ATG7: variants seen among roughly 807,000 people sequenced by gnomAD.
The protein encoded by ATG7 is ubiquitin-like modifier-activating enzyme ATG7.
ATG7 carries 70 observed loss-of-function variants against 82.4 expected under a neutral mutation model. That is an observed-to-expected ratio of 0.85 (90% CI 0.70 to 1.04). The LOEUF (loss-of-function observed/expected upper bound fraction) is 1.04, where lower values mean the gene tolerates loss of function less well. ATG7 is among the 50% of genes least tolerant of loss of function. The pLI is 0.00. For missense variants in ATG7, 792 were observed against 864.3 expected (o/e 0.92, Z 1.05); for synonymous variants, 287 against 313.0 (o/e 0.92, Z 0.88).
At chr3:11,570,081 C>G in the ATG7 span, among the ~76,000 whole-genome samples, 1 of 152,116 alleles carries the variant, frequency 6.6e-6, no homozygotes, top group Non-Finnish European at 1.5e-5. Flanking sequence ...CTGCTGCCCC[C>G]TGGGGTTTCT....
At chr3:11,409,018 C>A (rs1458179695) in intron 19 of ATG7, among the ~76,000 whole-genome samples, 1 of 152,098 alleles carries the variant, frequency 6.6e-6, no homozygotes, top group African/African-American at 2.4e-5. Flanking sequence ...TTGTTGTGTT[C>A]TAAGAGTTCT....
chr3:11,422,769 T>TTTG lies in ATG7; in HGVS notation c.1957-4035_1957-4034insTTG, dbSNP rs1386943052. ...TTTTTTTTTTTTTTTTTTTTTTTTT[T>TTTG]GGAGACAGAGTCTCACTCCGTTGCC... is the stretch of plus-strand genomic sequence containing the variant. On this transcript the variant is annotated intron_variant, in intron 19 of 20. Coordinates refer to ENST00000693202, the MANE Select transcript of ATG7 (RefSeq NM_001349232.2). 1.8e-3 allele frequency among the ~76,000 whole-genome samples: 185 copies of TTTG among 102,690 alleles called. 45 individuals carry two copies. Among genetic ancestry groups the TTTG allele is most frequent in the African/African-American group, 7.0e-3 (177 of 25,264 alleles). 67.4% of individuals were successfully genotyped at this position (102,690 alleles called of 152,430 possible).
intron 20 of ATG7, among the ~76,000 whole-genome samples, chr3:11,548,256 C>G (rs2071452762): frequency 6.6e-6 from 1 of 152,094 alleles, no homozygotes; most frequent in Non-Finnish European, 1.5e-5. Flanking sequence ...CCAGGCTGGT[C>G]TCAAACTCCT....
At chr3:11,295,570 G>A (rs577398319) in intron 3 of ATG7, among the ~76,000 whole-genome samples, 1 of 152,104 alleles carries the variant, frequency 6.6e-6, no homozygotes, top group South Asian at 2.1e-4. Context: ...CAATGAAATT[G>A]CATTTTAGAA....
intron 3 of ATG7, among the ~76,000 whole-genome samples, chr3:11,290,048 A>G (rs1040865328): frequency 6.6e-6 from 1 of 152,178 alleles, no homozygotes; most frequent in African/African-American, 2.4e-5. Flanking sequence ...GCTGCAGTCT[A>G]TAGTATAGAC....
At chr3:11,533,137 C>T (rs1030876126) in intron 20 of ATG7, among the ~76,000 whole-genome samples, 10 of 152,180 alleles carry the variant, frequency 6.6e-5, no homozygotes, top group Non-Finnish European at 1.3e-4. Context: ...CTCTTCACCC[C>T]GGGTCTGAAT....
At chr3:11,442,685 G>T (rs2084092750) in intron 20 of ATG7, among the ~76,000 whole-genome samples, 1 of 129,068 alleles carries the variant, frequency 7.7e-6, no homozygotes, top group South Asian at 2.7e-4. Context: ...GGAGGATTGT[G>T]TGAGACTAGA....
At chr3:11,333,808 C>T (rs1303153594) in intron 11 of ATG7, among the ~76,000 whole-genome samples, 2 of 148,192 alleles carry the variant, frequency 1.3e-5, no homozygotes, top group Non-Finnish European at 3.0e-5. Flanking sequence ...AGTGCAGTGG[C>T]GTGATCTTGG....
At position 11,555,122 on chromosome 3, in the gene ATG7, A is replaced by T; in HGVS notation, c.*279A>T. ...GCAGTTTTTATTTCTTGTCACAGTGACTGATAGCCATCCCCCAGGATCCTT... is the reference window on the plus strand; with the variant it reads ...GCAGTTTTTATTTCTTGTCACAGTGTCTGATAGCCATCCCCCAGGATCCTT... On this transcript the variant is annotated 3_prime_UTR_variant, in exon 21 of 21. Coordinates refer to ENST00000693202, the MANE Select transcript of ATG7 (RefSeq NM_001349232.2). 1 of 471,710 alleles carries T rather than the reference A, an allele frequency of 2.1e-6. No individual in the cohort carries two copies. Among genetic ancestry groups the T allele is most frequent in the African/African-American group, 2.0e-5 (1 of 49,878 alleles). The allele number at this position is 471,710 out of a possible 1,614,324, so 29.2% of individuals were successfully genotyped here.
intron 12 of ATG7, among the ~76,000 whole-genome samples, chr3:11,341,807 G>T (rs78310323): frequency 0.018 from 2,759 of 152,242 alleles, 84 homozygotes; most frequent in East Asian, 0.065. Flanking sequence ...TCTGTTTTCA[G>T]TACTAGGAAA....
At chr3:11,352,871 G>T (rs1559453920) in intron 14 of ATG7, among the ~76,000 whole-genome samples, 1 of 152,200 alleles carries the variant, frequency 6.6e-6, no homozygotes, top group Non-Finnish European at 1.5e-5. Context: ...GAGGAGGGAG[G>T]CAAGGACCAG....
At chr3:11,488,433 AGCG>A in intron 20 of ATG7, 2 of 1,229,838 alleles carry the variant, frequency 1.6e-6, no homozygotes, top group East Asian at 3.7e-5. Flanking sequence ...GCGGTCGGGC[AGCG>A]GCGGCTGCGG....
At position 11,353,661 on chromosome 3, in the gene ATG7, C is replaced by T. The variant is rs146016800; in HGVS notation, c.1285-4757C>T. ...AGTGAGTTCTCGACCTCTTAGTTCA[C>T]GTGAGCGAGAGCTAGTTGTTTGAAA... On this transcript the variant is annotated intron_variant, in intron 14 of 20. Coordinates refer to ENST00000693202, the MANE Select transcript of ATG7 (RefSeq NM_001349232.2). 3.9e-5 allele frequency among the ~76,000 whole-genome samples: 6 copies of T among 152,160 alleles called. No individual in the cohort carries two copies. The East Asian group carries it at 7.8e-4, about 20-fold the overall frequency.
intron 1 of ATG7, among the ~76,000 whole-genome samples, chr3:11,275,062 A>T (rs1941413660): frequency 6.6e-6 from 1 of 151,998 alleles, no homozygotes; most frequent in African/African-American, 2.4e-5. Context: ...AGGCAGTGAC[A>T]GTGGAGATGG....
chr3:11,520,791 A>G (rs912832489), intron 20 of ATG7, among the ~76,000 whole-genome samples: 2 of 152,168 alleles, frequency 1.3e-5, no homozygotes, highest in Non-Finnish European at 2.9e-5. Flanking sequence ...TTTCTTCATT[A>G]TGTCAGCATT....
chr3:11,535,388 G>T (rs1046169232), intron 20 of ATG7, among the ~76,000 whole-genome samples: 1 of 152,238 alleles, frequency 6.6e-6, no homozygotes, highest in Admixed American at 6.5e-5. Flanking sequence ...CCAAGTCCCT[G>T]TGGAGGAACC....
chr3:11,434,553 T>A (rs1375716081), intron 20 of ATG7, among the ~76,000 whole-genome samples: 4 of 152,216 alleles, frequency 2.6e-5, no homozygotes, highest in Admixed American at 1.3e-4. Flanking sequence ...GCCATTTACT[T>A]CTTAGATTGG....
chr3:11,541,994 T>C (rs2070870421), intron 20 of ATG7, among the ~76,000 whole-genome samples: 1 of 152,238 alleles, frequency 6.6e-6, no homozygotes, highest in Non-Finnish European at 1.5e-5. Flanking sequence ...ATTTTAAAAA[T>C]GTGTTTCGAA....
rs553976770 is a variant in ATG7 at position 11,379,907 on chromosome 3, C to T, written c.1876-65C>T. On this transcript the variant is annotated intron_variant, in intron 18 of 20. Coordinates refer to ENST00000693202, the MANE Select transcript of ATG7 (RefSeq NM_001349232.2). ...TTCCTACTTGTTGTCAGAAACCAGA[C>T]GTGCATTTCATAGATGTGGTCGTTG... 5.8e-5 allele frequency: 86 copies of T among 1,481,278 alleles called. 1 individual carries two copies. In the Admixed American group the frequency reaches 8.2e-4, roughly 14 times the overall value. 91.8% of individuals were successfully genotyped at this position (1,481,278 alleles called of 1,614,324 possible). A position where few individuals can be genotyped will look rare whatever the true frequency, so the allele number is the denominator to read the frequency against.
Sources: gnomAD v4.1 joint callset for allele counts (sites outside exome capture counted in the v4.1 genomes callset) on GRCh38, gnomAD v4.1.1 for gene constraint, MANE v1.5 for transcripts, NCBI Gene and HGNC (gene_info 2026-07-23, HGNC 2026-07-21) for gene names.